The following SUPT20H variants were observed in gnomAD, a reference collection of about 807,000 sequenced individuals.
The protein encoded by SUPT20H is transcription factor SPT20 homolog.
In SUPT20H, 82 loss-of-function variants were observed where a neutral mutation model predicts 122.8. That is an observed-to-expected ratio of 0.67 (90% CI 0.56 to 0.80). The LOEUF (loss-of-function observed/expected upper bound fraction) is 0.80. SUPT20H is among the 30% of genes least tolerant of loss of function. SUPT20H has a pLI of 0.00. For missense variants in SUPT20H, 831 were observed against 921.6 expected (o/e 0.90, Z 1.27); for synonymous variants, 291 against 313.0 (o/e 0.93, Z 0.74).
At chr13:37,025,977 G>A (rs1467402485) in intron 16 of SUPT20H, 3 of 382,148 alleles carry the variant, frequency 7.9e-6, no homozygotes, top group Non-Finnish European at 1.4e-5. Context: ...CAAGCTTACA[G>A]ATATTTTTCT....
At chr13:37,025,597 C>A (rs963535634) in intron 16 of SUPT20H, among the ~76,000 whole-genome samples, 160 bp from the exon 17 acceptor site, 2 of 152,100 alleles carry the variant, frequency 1.3e-5, no homozygotes, top group Non-Finnish European at 2.9e-5. Flanking sequence ...ATTAAAAGTA[C>A]ATATTTTTAA....
intron 1 of SUPT20H, among the ~76,000 whole-genome samples, chr13:37,055,111 TAA>T (rs973586001): frequency 1.2e-4 from 19 of 152,004 alleles, no homozygotes; most frequent in African/African-American, 4.4e-4. Flanking sequence ...CTCAAGGAAA[TAA>T]AAGAGGATAC....
At chr13:37,014,282 A>T (rs527528973) in intron 23 of SUPT20H, among the ~76,000 whole-genome samples, 1 of 152,110 alleles carries the variant, frequency 6.6e-6, no homozygotes, top group Non-Finnish European at 1.5e-5. Flanking sequence ...CAAAAGGAAA[A>T]ATAGAAATTT....
chr13:37,035,023 G>A (rs1295183907), intron 9 of SUPT20H, among the ~76,000 whole-genome samples: 1 of 152,188 alleles, frequency 6.6e-6, no homozygotes, highest in Non-Finnish European at 1.5e-5. Context: ...AAATATTACT[G>A]CTCATTAACA....
intron 23 of SUPT20H, among the ~76,000 whole-genome samples, chr13:37,015,995 A>G (rs546153830): frequency 1.3e-5 from 2 of 152,360 alleles, no homozygotes; most frequent in African/African-American, 4.8e-5. Context: ...AACATAAAGT[A>G]GAATAGTGGC....
rs561968827 is a variant in SUPT20H, at chr13:37,042,007, A to T, written c.397-1315T>A. On this transcript the variant is annotated intron_variant, in intron 7 of 25. Transcript: ENST00000350612. ...CAGACAGAGGGAATAACATATGAGAAGTTCTTACTGTAGGAACAAGCTTGG... is the reference window on the plus strand; with the variant it reads ...CAGACAGAGGGAATAACATATGAGATGTTCTTACTGTAGGAACAAGCTTGG... Among the ~76,000 whole-genome samples, 6 of 152,362 alleles carry T rather than the reference A, an allele frequency of 3.9e-5. No homozygotes were observed. In the East Asian group the frequency reaches 1.2e-3, roughly 29 times the overall value.
Position 37,031,572 on chromosome 13 carries a change from C to T in SUPT20H, c.916G>A (p.Val306Ile), listed in dbSNP as rs2063338707. Reference sequence around the variant, plus strand: ...TAATTCATGAACTGACTTACATCTACTTCAGAAGGTATGGCCAAATTACAG... The same window carrying T: ...TAATTCATGAACTGACTTACATCTATTTCAGAAGGTATGGCCAAATTACAG... ...SPCNLAIPSE[V>I]DVEKYAKVEK... The change falls in exon 12 of 26, where the codon GTA becomes ATA. Residue 306 changes from valine to isoleucine, a missense_variant. Val to Ile is a conservative substitution (Grantham distance 29). Transcript: ENST00000350612. The T allele has an allele frequency of 1.9e-6, 3 of 1,557,554 alleles. No homozygotes were observed. The highest frequency in any genetic ancestry group is 2.0e-4 in the Middle Eastern group (1 of 5,074).
intron 23 of SUPT20H, among the ~76,000 whole-genome samples, chr13:37,015,316 GA>G (rs372560347): frequency 6.4e-4 from 88 of 138,492 alleles, no homozygotes; most frequent in Non-Finnish European, 4.9e-4. Context: ...AAATTAATCT[GA>G]AAAAAAAAAA....
intron 1 of SUPT20H, among the ~76,000 whole-genome samples, chr13:37,058,133 G>A (rs528103870): frequency 1.3e-5 from 2 of 152,068 alleles, no homozygotes; most frequent in South Asian, 4.2e-4. Flanking sequence ...GGGTGTGTTG[G>A]CACACACCTG....
chr13:37,031,714 C>A, intron 11 of SUPT20H, 25 bp downstream of exon 11: 1 of 1,558,556 alleles, frequency 6.4e-7, no homozygotes, highest in Non-Finnish European at 8.6e-7. Flanking sequence ...GCATAATAAG[C>A]TTCATTTAAA....
rs1202418151 is a variant in SUPT20H at position 37,009,361 on chromosome 13, CG to C, written c.*310del. The C allele has an allele frequency of 2.2e-6, 2 of 902,042 alleles. No homozygotes were observed. The highest frequency in any genetic ancestry group is 3.5e-6 in the Non-Finnish European group (2 of 569,330). The allele number at this position is 902,042 out of a possible 1,614,324, so 55.9% of individuals were successfully genotyped here. The stretch of plus-strand genomic sequence containing the variant: ...TGTATTTGTTAACACTGTGCACAAA[CG>C]TTTTATACTAAATAAATATCAAACT... On this transcript the variant is annotated 3_prime_UTR_variant, in exon 26 of 26. Transcript: ENST00000350612.
chr13:37,036,327 GT>G (rs35437054), intron 9 of SUPT20H, among the ~76,000 whole-genome samples: 8 of 126,278 alleles, frequency 6.3e-5, no homozygotes, highest in African/African-American at 1.5e-4. Context: ...TTAAACTGGA[GT>G]TTTTTTTTTT....
chr13:37,009,736 C>T lies in SUPT20H; in HGVS notation c.2276G>A (p.Arg759Gln), dbSNP rs762154234. 6.8e-6 allele frequency: 11 copies of T among 1,613,776 alleles called. No individual in the cohort carries two copies. The highest frequency in any genetic ancestry group is 1.7e-5 in the Admixed American group (1 of 59,966). The change falls in exon 26 of 26, where the codon CGG becomes CAG. Residue 759 changes from arginine (R) to glutamine (Q), a missense_variant. Coordinates refer to ENST00000350612, the MANE Select transcript of SUPT20H (RefSeq NM_001014286.3). ...ACTTTTTGACTGGCTGCCTGTATGC[C>T]GATGATGATGTAGCTGAGCTGTTTG... ...AAQTAQLHHHRHTGSQSKSKM... is the reference protein window; with the variant it reads ...AAQTAQLHHHQHTGSQSKSKM...
At chr13:37,025,056 C>T (rs1161118248) in intron 17 of SUPT20H, 1 of 361,338 alleles carries the variant, frequency 2.8e-6, no homozygotes, top group East Asian at 7.8e-5. Flanking sequence ...ATTCTCCTGT[C>T]TCAGCCTCCC....
Position 37,029,796 on chromosome 13 carries a change from T to C in SUPT20H, c.962A>G (p.Asp321Gly). The change falls in exon 13 of 26, where the codon GAT becomes GGT. Residue 321 changes from aspartate to glycine, a missense_variant. Transcript: ENST00000350612. Reference protein sequence around the residue: ...YAKVEKSIKSDDSQPTVWPAH... With the variant: ...YAKVEKSIKSGDSQPTVWPAH... ...TGGCCAGACTGTTGGCTGTGAGTCATCAGATTTGATAGACTTTTCCACTTT... is the reference window on the plus strand; with the variant it reads ...TGGCCAGACTGTTGGCTGTGAGTCACCAGATTTGATAGACTTTTCCACTTT... The C allele has an allele frequency of 2.5e-6, 4 of 1,601,522 alleles. No homozygotes were observed. The highest frequency in any genetic ancestry group is 3.4e-6 in the Non-Finnish European group (4 of 1,174,852).
intron 1 of SUPT20H, among the ~76,000 whole-genome samples, chr13:37,053,024 T>C (rs562489209): frequency 7.8e-4 from 118 of 152,206 alleles, no homozygotes; most frequent in African/African-American, 2.8e-3. Context: ...TGGAAACAGA[T>C]GTTGGTGAGG....
At chr13:37,016,766 T>C (rs2060584832) in intron 23 of SUPT20H, among the ~76,000 whole-genome samples, 1 of 152,218 alleles carries the variant, frequency 6.6e-6, no homozygotes, top group Non-Finnish European at 1.5e-5. Flanking sequence ...ACACTTGTAC[T>C]TCCTTCTTCT....
intron 9 of SUPT20H, among the ~76,000 whole-genome samples, chr13:37,037,194 CAAAAAAA>C (rs34269768): frequency 1.5e-5 from 2 of 130,598 alleles, no homozygotes; most frequent in Non-Finnish European, 3.2e-5. Flanking sequence ...GACTCTGCCT[CAAAAAAA>C]AAAAAAAAAA....
chr13:37,029,668 T>C (rs1420091368), intron 13 of SUPT20H, 97 bp downstream of exon 13: 5 of 992,200 alleles, frequency 5.0e-6, no homozygotes, highest in Non-Finnish European at 7.5e-6. Flanking sequence ...AGAAAAAAGG[T>C]CCCAAACTAA....
Sources: allele counts gnomAD v4.1 joint callset (sites outside exome capture counted in the v4.1 genomes callset), GRCh38; gene constraint gnomAD v4.1.1; transcripts MANE v1.5; gene names NCBI Gene and HGNC (gene_info 2026-07-23, HGNC 2026-07-21).